Variants in LYRM4 observed in about 807,000 individuals in gnomAD.
LYRM4 encodes LYR motif containing 4.
Under a neutral mutation model 11.7 loss-of-function variants are expected in LYRM4, and 9 were observed. The observed-to-expected ratio is 0.77, with a 90% CI of 0.46 to 1.34. LYRM4 has a LOEUF of 1.34. Ranked by LOEUF, LYRM4 falls within the 40% of genes most tolerant of loss-of-function variation. LYRM4 has a pLI of 0.00. For synonymous variants in LYRM4, 42 were observed against 40.4 expected, an observed-to-expected ratio of 1.04 and a Z score of -0.15; for missense variants, 133 against 112.5, an observed-to-expected ratio of 1.18 and a Z score of -0.82.
At chr6:5,218,841 T>A (rs2127726572) in intron 1 of LYRM4, among the ~76,000 whole-genome samples, 1 of 152,368 alleles carries the variant, frequency 6.6e-6, no homozygotes, top group Middle Eastern at 3.4e-3. Context: ...GCTAGGTAAA[T>A]TAACAGCAAT....
At chr6:5,046,347 C>T in the LYRM4 span, among the ~76,000 whole-genome samples, 3 of 152,110 alleles carry the variant, frequency 2.0e-5, no homozygotes, top group Admixed American at 6.5e-5. Context: ...GGGGTTTCAC[C>T]GTGTTAGCCA....
chr6:5,052,175 A>G, the LYRM4 span, among the ~76,000 whole-genome samples: 2 of 152,266 alleles, frequency 1.3e-5, no homozygotes, highest in Non-Finnish European at 2.9e-5. Flanking sequence ...TCAAAGCTAT[A>G]TGAAAAATAA....
At chr6:5,109,647 G>C (rs1381169695) in intron 2 of LYRM4, among the ~76,000 whole-genome samples, 156 bp from the exon 3 acceptor site, 2 of 152,236 alleles carry the variant, frequency 1.3e-5, no homozygotes, top group African/African-American at 2.4e-5. Context: ...CCGGCCACTA[G>C]AGCACCATCC....
At chr6:5,091,164 G>A in the LYRM4 span, among the ~76,000 whole-genome samples, 67 of 152,310 alleles carry the variant, frequency 4.4e-4, no homozygotes, top group Admixed American at 1.4e-3. Flanking sequence ...GCCAGGACCC[G>A]ATGGACTCCT....
the LYRM4 span, among the ~76,000 whole-genome samples, chr6:5,095,276 G>A: frequency 6.6e-6 from 1 of 152,068 alleles, no homozygotes; most frequent in Non-Finnish European, 1.5e-5. Context: ...CCTGTTACAG[G>A]AAAAACCTTA....
the LYRM4 span, chr6:5,032,248 C>G: frequency 1.3e-5 from 2 of 152,268 alleles, no homozygotes; most frequent in Admixed American, 6.5e-5. Context: ...AAGGGATAAG[C>G]GGTTCCCTCA....
At chr6:5,074,619 TTTC>T in the LYRM4 span, among the ~76,000 whole-genome samples, 1 of 149,768 alleles carries the variant, frequency 6.7e-6, no homozygotes, top group African/African-American at 2.5e-5. Flanking sequence ...GTTGCTTTTC[TTTC>T]TTTTTTTTTT....
chr6:5,248,649 A>G (rs1482806762), intron 1 of LYRM4, among the ~76,000 whole-genome samples: 1 of 152,132 alleles, frequency 6.6e-6, no homozygotes, highest in Non-Finnish European at 1.5e-5. Context: ...AGCCCTTCAC[A>G]GCTCAGGTCA....
intron 1 of LYRM4, 147 bp from the exon 2 acceptor site, chr6:5,216,885 C>G (rs1762304145): frequency 1.1e-5 from 10 of 918,320 alleles, no homozygotes; most frequent in Non-Finnish European, 1.6e-5. Flanking sequence ...GTGGCGCAGG[C>G]TGATCCACTA....
chr6:5,169,449 T>TA lies in LYRM4; in HGVS notation c.207+47168_207+47169insT, dbSNP rs745687917. Among the ~76,000 whole-genome samples, 15 of 152,314 alleles carry TA rather than the reference T, an allele frequency of 9.8e-5. No homozygotes were observed. In the South Asian group the frequency reaches 1.2e-3, roughly 13 times the overall value. On this transcript the variant is annotated intron_variant, in intron 2 of 2. Coordinates refer to ENST00000330636, the MANE Select transcript of LYRM4 (RefSeq NM_020408.6). ...TGAGGAATTACAACGGGACTTTAAA[T>TA]GACGGCCAAGAGTATAGTCAAATAA...
At chr6:5,186,116 G>A (rs1393541486) in intron 2 of LYRM4, among the ~76,000 whole-genome samples, 1 of 152,140 alleles carries the variant, frequency 6.6e-6, no homozygotes, top group African/African-American at 2.4e-5. Context: ...GGGTTGAGGT[G>A]TTAAGGGGAG....
chr6:5,099,220 A>T (rs72809804), downstream of LYRM4, among the ~76,000 whole-genome samples: 3 of 117,632 alleles, frequency 2.6e-5, no homozygotes, highest in Non-Finnish European at 3.8e-5. The surrounding 1 kb of genome is among the most constrained non-coding windows in gnomAD (Gnocchi z 4.3). Flanking sequence ...TTTTTTTTTT[A>T]AAGACAGGGT....
chr6:5,145,068 G>A (rs1034287612), intron 2 of LYRM4, among the ~76,000 whole-genome samples: 3 of 152,254 alleles, frequency 2.0e-5, no homozygotes, highest in African/African-American at 7.2e-5. Flanking sequence ...GGCGCTGGAA[G>A]AGAATTCCAC....
chr6:5,118,420 A>T (rs2127599326), intron 2 of LYRM4, among the ~76,000 whole-genome samples: 1 of 152,244 alleles, frequency 6.6e-6, no homozygotes, highest in Non-Finnish European at 1.5e-5. Context: ...CCTGGCCAAT[A>T]CATTTTTGAT....
the LYRM4 span, chr6:5,066,518 A>T: frequency 7.5e-6 from 6 of 797,084 alleles, no homozygotes; most frequent in Non-Finnish European, 1.1e-5. Flanking sequence ...CACTTCTAGG[A>T]TCTATTTTAA....
the LYRM4 span, among the ~76,000 whole-genome samples, chr6:5,041,415 G>T: frequency 6.6e-6 from 1 of 152,182 alleles, no homozygotes; most frequent in Admixed American, 6.5e-5. Flanking sequence ...AAAATAAGAT[G>T]TTCTCTCTAA....
chr6:5,245,148 A>G (rs1333295765), intron 1 of LYRM4, among the ~76,000 whole-genome samples: 3 of 104,190 alleles, frequency 2.9e-5, no homozygotes, highest in African/African-American at 1.1e-4. Flanking sequence ...ATATATATAT[A>G]TATATATATA....
intron 2 of LYRM4, among the ~76,000 whole-genome samples, chr6:5,190,391 T>C (rs1760683095): frequency 6.6e-6 from 1 of 152,118 alleles, no homozygotes; most frequent in Non-Finnish European, 1.5e-5. Flanking sequence ...TAGAAAAAAA[T>C]TCACTTGGTA....
At chr6:5,085,889 C>T in the LYRM4 span, 1 of 1,531,176 alleles carries the variant, frequency 6.5e-7, no homozygotes, top group Non-Finnish European at 8.7e-7. Context: ...GTGCAGTTCG[C>T]GGACACGCTG....
Sources: allele counts gnomAD v4.1 joint callset (sites outside exome capture counted in the v4.1 genomes callset), GRCh38; gene constraint gnomAD v4.1.1; non-coding constraint Gnocchi (gnomAD v3.1); transcripts MANE v1.5; gene names NCBI Gene and HGNC (gene_info 2026-07-23, HGNC 2026-07-21).